Variants in TRHDE observed in about 807,000 individuals in gnomAD.
TRHDE encodes thyrotropin-releasing hormone-degrading ectoenzyme.
In TRHDE, 72 loss-of-function variants were observed where a neutral mutation model predicts 125.7. The observed-to-expected ratio is 0.57, with a 90% confidence interval of 0.47 to 0.70. TRHDE has a LOEUF of 0.70. TRHDE is among the 30% of genes least tolerant of loss of function. The pLI, the probability that TRHDE is intolerant of heterozygous loss-of-function variation, is 0.00. For synonymous variants in TRHDE, 509 were observed against 509.1 expected (o/e 1.00, Z 0.00); for missense variants, 1,110 against 1,327.1 (o/e 0.84, Z 2.54).
At chr12:72,552,290 G>T (rs1328812956) in intron 7 of TRHDE, among the ~76,000 whole-genome samples, 2 of 152,124 alleles carry the variant, frequency 1.3e-5, no homozygotes, top group Admixed American at 6.5e-5. Context: ...GATTATCAAG[G>T]CTTAAATGGT....
intron 2 of TRHDE, among the ~76,000 whole-genome samples, chr12:72,208,010 C>T (rs913543693): frequency 6.6e-6 from 1 of 152,172 alleles, no homozygotes; most frequent in African/African-American, 2.4e-5. Context: ...CTGAGCATCT[C>T]AGACCATTCT....
At chr12:72,449,157 A>G (rs1875447778) in intron 3 of TRHDE, among the ~76,000 whole-genome samples, 2 of 152,086 alleles carry the variant, frequency 1.3e-5, no homozygotes, top group South Asian at 4.1e-4. Flanking sequence ...TTGACACCAG[A>G]TAATATACCA....
chr12:72,218,885 A>G (rs531340346), intron 2 of TRHDE, among the ~76,000 whole-genome samples: 4 of 152,282 alleles, frequency 2.6e-5, no homozygotes, highest in Non-Finnish European at 4.4e-5. Flanking sequence ...TCTCCAAATA[A>G]GTTACTGAGG....
intron 2 of TRHDE, among the ~76,000 whole-genome samples, chr12:72,220,185 G>A (rs141958542): frequency 1.3e-3 from 198 of 152,214 alleles, no homozygotes; most frequent in African/African-American, 4.6e-3. Context: ...GACTTGGATT[G>A]CATCTTTTAA....
At chr12:72,519,501 C>A (rs1361786749) in intron 6 of TRHDE, among the ~76,000 whole-genome samples, 1 of 152,164 alleles carries the variant, frequency 6.6e-6, no homozygotes, top group Non-Finnish European at 1.5e-5. Context: ...CCATCAGCTC[C>A]TTTAAGCACT....
chr12:72,500,848 T>A (rs1172133417), intron 6 of TRHDE, among the ~76,000 whole-genome samples: 1 of 101,370 alleles, frequency 9.9e-6, no homozygotes, highest in Non-Finnish European at 2.0e-5. Context: ...CCAACTTTGT[T>A]CTTTTTTTTT....
intron 8 of TRHDE, 37 bp downstream of exon 8, chr12:72,562,267 T>A: frequency 9.4e-7 from 1 of 1,064,096 alleles, no homozygotes; most frequent in Non-Finnish European, 1.4e-6. Context: ...AAACCTCTAC[T>A]TGAATATTTG....
At position 72,129,222 on chromosome 12, in the gene TRHDE, A is replaced by C. The variant is rs532298824; in HGVS notation, n.279+23470A>C. Among the ~76,000 whole-genome samples, 3 of 152,340 alleles carry C rather than the reference A, an allele frequency of 2.0e-5. No individual in the cohort carries two copies. The South Asian group carries it at 6.2e-4, about 32-fold the overall frequency. ...GATTTGAAACATCTGAAAGCTAAAA[A>C]AATTTATCACCAGCAGACCTGCACT... On this transcript the variant is annotated intron_variant and non_coding_transcript_variant, in intron 2 of 4. Transcript: ENST00000548156.
intron 12 of TRHDE, among the ~76,000 whole-genome samples, chr12:72,602,940 C>T (rs1872266804): frequency 1.3e-5 from 2 of 152,080 alleles, no homozygotes; most frequent in Non-Finnish European, 2.9e-5. Flanking sequence ...TAAACATAAA[C>T]CAGACTGAAA....
intron 2 of TRHDE, among the ~76,000 whole-genome samples, chr12:72,228,135 T>TGTGTGGGGGCTCC: frequency 6.6e-6 from 1 of 152,314 alleles, no homozygotes; most frequent in East Asian, 1.9e-4. Flanking sequence ...GTTGGGACTC[T>TGTGTGGGGGCTCC]GTGTGGGGGC....
At chr12:72,558,356 A>G (rs536938666) in intron 7 of TRHDE, among the ~76,000 whole-genome samples, 1 of 152,316 alleles carries the variant, frequency 6.6e-6, no homozygotes, top group Non-Finnish European at 1.5e-5. Flanking sequence ...AAAGGAGAAA[A>G]GAATATGTAG....
At chr12:72,436,045 A>G (rs1874730556) in intron 3 of TRHDE, among the ~76,000 whole-genome samples, 1 of 152,114 alleles carries the variant, frequency 6.6e-6, no homozygotes, top group Admixed American at 6.6e-5. Flanking sequence ...CCTTTCTTAA[A>G]TACAGGGTCA....
intron 2 of TRHDE, among the ~76,000 whole-genome samples, chr12:72,157,879 G>C (rs564970566): frequency 1.6e-3 from 251 of 152,240 alleles, no homozygotes; most frequent in African/African-American, 5.6e-3. Flanking sequence ...GTTTAGCAGG[G>C]AAAAGAGAAG....
intron 10 of TRHDE, among the ~76,000 whole-genome samples, chr12:72,574,924 G>A (rs550698609): frequency 7.2e-5 from 11 of 152,090 alleles, no homozygotes; most frequent in Admixed American, 2.0e-4. Context: ...ATCCCCATAC[G>A]ATCTAATTAG....
At chr12:72,192,609 T>C (rs1877362658) in intron 2 of TRHDE, among the ~76,000 whole-genome samples, 1 of 152,104 alleles carries the variant, frequency 6.6e-6, no homozygotes, top group African/African-American at 2.4e-5. Context: ...AGTGTGAACT[T>C]TGGAGTTAGC....
chr12:72,491,756 C>T (rs1226280654), intron 5 of TRHDE, among the ~76,000 whole-genome samples: 2 of 151,904 alleles, frequency 1.3e-5, no homozygotes, highest in African/African-American at 4.8e-5. Context: ...AAAATATAAT[C>T]GCTTTTTAAG....
At chr12:72,643,139 T>C (rs973044271) in intron 15 of TRHDE, among the ~76,000 whole-genome samples, 1 of 151,858 alleles carries the variant, frequency 6.6e-6, no homozygotes, top group Non-Finnish European at 1.5e-5. Context: ...ACATGAGGAG[T>C]TGATGGGGTG....
intron 3 of TRHDE, among the ~76,000 whole-genome samples, chr12:72,440,777 C>T (rs1874972268): frequency 6.6e-6 from 1 of 151,918 alleles, no homozygotes; most frequent in African/African-American, 2.4e-5. Flanking sequence ...CTTGGAACAT[C>T]AGAGTAGATC....
At chr12:72,567,234 A>G (rs1407584022) in intron 9 of TRHDE, among the ~76,000 whole-genome samples, 5 of 152,022 alleles carry the variant, frequency 3.3e-5, no homozygotes, top group Non-Finnish European at 4.4e-5. Context: ...GCTATTATAA[A>G]TTGTTTTATT....
Sources: gnomAD v4.1 joint callset for allele counts (sites outside exome capture counted in the v4.1 genomes callset) on GRCh38, gnomAD v4.1.1 for gene constraint, MANE v1.5 for transcripts, NCBI Gene and HGNC (gene_info 2026-07-23, HGNC 2026-07-21) for gene names.